Variants in NRG1 observed in about 807,000 individuals in gnomAD.
NRG1 encodes the protein neuregulin 1, also known as pro-neuregulin-1, membrane-bound isoform.
In NRG1, 18 loss-of-function variants were observed where a neutral mutation model predicts 63.8. That is an observed-to-expected ratio of 0.28 (90% CI 0.19 to 0.42). The LOEUF is 0.42. NRG1 is among the 10% of genes least tolerant of loss of function. The pLI, the probability that NRG1 is intolerant of heterozygous loss-of-function variation, is 1.00. For synonymous variants in NRG1, 302 were observed against 301.3 expected, an observed-to-expected ratio of 1.00 and a Z score of -0.02; for missense variants, 762 against 814.7, an observed-to-expected ratio of 0.94 and a Z score of 0.79.
At chr8:32,530,550 T>G (rs1831357239) in intron 1 of NRG1, among the ~76,000 whole-genome samples, 1 of 152,220 alleles carries the variant, frequency 6.6e-6, no homozygotes, top group Admixed American at 6.5e-5. Flanking sequence ...GATAATCTTG[T>G]AATTGGATTT....
rs188412887 is a variant in NRG1 at position 31,846,500 on chromosome 8, T to G, written c.37+207069T>G. Among the ~76,000 whole-genome samples the G allele has an allele frequency of 1.5e-3, 230 of 152,340 alleles. 2 individuals carry two copies. Among genetic ancestry groups the G allele is most frequent in the East Asian group, 3.9e-4 (2 of 5,184 alleles). On this transcript the variant is annotated intron_variant, in intron 1 of 10. Transcript: ENST00000519301. ...TCTTTTAACTTCAACATCCAACAAA[T>G]ATTTTTAAGGACTAATGTGTGCAAA...
At chr8:32,107,611 T>C (rs1328479992) in intron 1 of NRG1, among the ~76,000 whole-genome samples, 2 of 152,194 alleles carry the variant, frequency 1.3e-5, no homozygotes. Flanking sequence ...ATAATAGCAA[T>C]ACTACTGAGT....
intron 5 of NRG1, among the ~76,000 whole-genome samples, chr8:32,715,673 C>T (rs1326713170): frequency 1.4e-5 from 2 of 144,532 alleles, no homozygotes; most frequent in Non-Finnish European, 1.5e-5. Context: ...GAGTCTTGCT[C>T]TGTCGCCCAG....
chr8:32,494,778 A>G (rs758853500), intron 1 of NRG1, among the ~76,000 whole-genome samples: 8 of 152,164 alleles, frequency 5.3e-5, no homozygotes, highest in Non-Finnish European at 1.0e-4. Flanking sequence ...AAATTAATGA[A>G]TCATCCTTCA....
chr8:32,703,533 C>G (rs1225276305), intron 5 of NRG1, among the ~76,000 whole-genome samples: 1 of 120,074 alleles, frequency 8.3e-6, no homozygotes, highest in Non-Finnish European at 1.8e-5. Context: ...ACCCTGTCTA[C>G]AAAAAAAAAA....
chr8:31,843,790 A>G (rs1826417124), intron 1 of NRG1, among the ~76,000 whole-genome samples: 1 of 152,224 alleles, frequency 6.6e-6, no homozygotes, highest in Admixed American at 6.5e-5. Flanking sequence ...GGAAACTTCT[A>G]CTACCACTTG....
chr8:32,758,473 A>T (rs1412218768), intron 9 of NRG1, among the ~76,000 whole-genome samples: 1 of 139,836 alleles, frequency 7.2e-6, no homozygotes, highest in Non-Finnish European at 1.5e-5. Flanking sequence ...ACTACTCGGG[A>T]GGGTGAGGCA....
At chr8:32,311,752 G>A (rs530464044) in intron 1 of NRG1, among the ~76,000 whole-genome samples, 9 of 152,268 alleles carry the variant, frequency 5.9e-5, no homozygotes, top group African/African-American at 2.2e-4. Flanking sequence ...CACAATGCCT[G>A]CCTCTGTTTC....
chr8:32,458,046 T>C (rs890948240), intron 1 of NRG1, among the ~76,000 whole-genome samples: 3 of 152,140 alleles, frequency 2.0e-5, no homozygotes, highest in Non-Finnish European at 4.4e-5. Flanking sequence ...GCCTCCTAAA[T>C]AGCTGGGACT....
chr8:31,743,712 G>A (rs1815550234), intron 1 of NRG1, among the ~76,000 whole-genome samples: 1 of 151,836 alleles, frequency 6.6e-6, no homozygotes, highest in Admixed American at 6.6e-5. Flanking sequence ...TGAACATGTT[G>A]GAAAGTCTTG....
chr8:32,351,417 C>T (rs1420362490), intron 1 of NRG1, among the ~76,000 whole-genome samples: 1 of 152,152 alleles, frequency 6.6e-6, no homozygotes, highest in Non-Finnish European at 1.5e-5. Flanking sequence ...CAAAATCTTT[C>T]GGGGTACTTC....
At chr8:32,337,653 C>CGAAAAAAAAAAAAAAAAAAAAAA (rs1803452831) in intron 1 of NRG1, among the ~76,000 whole-genome samples, 1 of 24,704 alleles carries the variant, frequency 4.0e-5, no homozygotes, top group African/African-American at 1.5e-4. Context: ...AGAGTTATTG[C>CGAAAAAAAAAAAAAAAAAAAAAA]AAAAAAAAAA....
At chr8:32,569,081 G>A (rs1299112661) in intron 1 of NRG1, among the ~76,000 whole-genome samples, 12 of 151,948 alleles carry the variant, frequency 7.9e-5, no homozygotes, top group Admixed American at 1.3e-4. Context: ...ACAGCATCTC[G>A]CTCTGTCACT....
At chr8:32,530,063 C>T (rs1212200081) in intron 1 of NRG1, among the ~76,000 whole-genome samples, 2 of 152,100 alleles carry the variant, frequency 1.3e-5, no homozygotes, top group African/African-American at 2.4e-5. Context: ...TGTTGTGCTA[C>T]AATGTCACTA....
rs374320540 is a variant in NRG1, at chr8:31,818,859, C to T, written c.37+179428C>T. 1.7e-4 allele frequency among the ~76,000 whole-genome samples: 26 copies of T among 152,198 alleles called. No individual in the cohort carries two copies. The East Asian group carries it at 3.7e-3, about 22-fold the overall frequency. ...GATCACGAGGTCAGGATATCGAGACCATCCTGGCTAACACGGTGAAACCCT... is the reference window on the plus strand; with the variant it reads ...GATCACGAGGTCAGGATATCGAGACTATCCTGGCTAACACGGTGAAACCCT... On this transcript the variant is annotated intron_variant, in intron 1 of 10. Coordinates refer to the NRG1 transcript ENST00000519301.
intron 1 of NRG1, among the ~76,000 whole-genome samples, chr8:31,922,757 G>A (rs2129618996): frequency 6.6e-6 from 1 of 152,306 alleles, no homozygotes; most frequent in African/African-American, 2.4e-5. Context: ...ACTTCATGCA[G>A]TAGCTCAACA....
chr8:32,693,358 A>G (rs1315281050), intron 5 of NRG1, among the ~76,000 whole-genome samples: 1 of 151,954 alleles, frequency 6.6e-6, no homozygotes, highest in African/African-American at 2.4e-5. Context: ...AGCTGGGACT[A>G]CAGGTGCCTG....
intron 1 of NRG1, among the ~76,000 whole-genome samples, chr8:32,163,853 A>G (rs187617340): frequency 2.6e-5 from 4 of 152,286 alleles, no homozygotes; most frequent in Admixed American, 2.6e-4. Flanking sequence ...CACGCTAGGA[A>G]GTCTTTGGTT....
At chr8:32,414,443 A>G (rs1815572535) in intron 1 of NRG1, among the ~76,000 whole-genome samples, 1 of 152,148 alleles carries the variant, frequency 6.6e-6, no homozygotes, top group Non-Finnish European at 1.5e-5. Flanking sequence ...CCTAAACACT[A>G]ATTTTGCAAA....
Sources: allele counts gnomAD v4.1 joint callset (sites outside exome capture counted in the v4.1 genomes callset), GRCh38; gene constraint gnomAD v4.1.1; transcripts MANE v1.5; gene names NCBI Gene and HGNC (gene_info 2026-07-23, HGNC 2026-07-21).